SERPINB7: variants seen among roughly 807,000 people sequenced by gnomAD.
The protein encoded by SERPINB7 is serpin B7.
In SERPINB7, 31 loss-of-function variants were observed where a neutral mutation model predicts 37.4. The observed-to-expected ratio is 0.83, with a 90% confidence interval of 0.62 to 1.12. The LOEUF is 1.12. Among genes scored for constraint, SERPINB7 ranks in the 50% most tolerant of loss-of-function variants. The probability of loss-of-function intolerance (pLI) is 0.00; values close to 1 mark genes in which losing one functional copy is unlikely to be tolerated. For synonymous variants in SERPINB7, 163 were observed against 166.1 expected, an observed-to-expected ratio of 0.98 and a Z score of 0.14; for missense variants, 521 against 455.3, an observed-to-expected ratio of 1.14 and a Z score of -1.31.
intron 1 of SERPINB7, among the ~76,000 whole-genome samples, chr18:63,764,291 C>T (rs1044180218): frequency 6.6e-6 from 1 of 152,200 alleles, no homozygotes; most frequent in Admixed American, 6.5e-5. Context: ...TTCTGTGGGC[C>T]TTAGCCCAAT....
At chr18:63,771,620 C>A (rs1227931203), upstream of SERPINB7, among the ~76,000 whole-genome samples, 2 of 152,008 alleles carry the variant, frequency 1.3e-5, no homozygotes, top group Non-Finnish European at 2.9e-5. Flanking sequence ...TTAAAGGCAT[C>A]CTTCTAAGGG....
intron 1 of SERPINB7, among the ~76,000 whole-genome samples, chr18:63,759,585 A>T (rs899041582): frequency 3.0e-4 from 46 of 152,048 alleles, no homozygotes; most frequent in Non-Finnish European, 8.8e-5. Flanking sequence ...TGGTAACTGG[A>T]AGGGCTCCCA....
intron 2 of SERPINB7, among the ~76,000 whole-genome samples, chr18:63,787,186 A>G (rs2049382045): frequency 6.6e-6 from 1 of 152,160 alleles, no homozygotes; most frequent in South Asian, 2.1e-4. Flanking sequence ...CGTCATGTTG[A>G]TGCTCAAAAA....
At chr18:63,758,252 T>G (rs2049132815) in intron 1 of SERPINB7, among the ~76,000 whole-genome samples, 1 of 152,166 alleles carries the variant, frequency 6.6e-6, no homozygotes, top group South Asian at 2.1e-4. Context: ...GTAGCGTTGT[T>G]ACCATGACTT....
intron 2 of SERPINB7, among the ~76,000 whole-genome samples, chr18:63,788,518 G>A (rs1383631927): frequency 6.6e-6 from 1 of 152,132 alleles, no homozygotes; most frequent in Admixed American, 6.5e-5. Context: ...AAAAGTTAAA[G>A]TAAGCCAAAG....
At chr18:63,769,463 C>T (rs1386844632) in intron 1 of SERPINB7, among the ~76,000 whole-genome samples, 1 of 152,116 alleles carries the variant, frequency 6.6e-6, no homozygotes, top group African/African-American at 2.4e-5. Flanking sequence ...TTGGTGTTGA[C>T]ATCTGCTGAT....
chr18:63,772,825 G>A (rs1309463552), upstream of SERPINB7, among the ~76,000 whole-genome samples: 1 of 152,124 alleles, frequency 6.6e-6, no homozygotes, highest in Non-Finnish European at 1.5e-5. Flanking sequence ...GCACAAATAA[G>A]TGGAAACCAA....
intron 1 of SERPINB7, among the ~76,000 whole-genome samples, chr18:63,770,171 TGGGGTTATTA>T (rs1480679089): frequency 2.0e-5 from 3 of 150,474 alleles, no homozygotes; most frequent in African/African-American, 7.3e-5. Flanking sequence ...CTGCTTGTAG[TGGGGTTATTA>T]TCATCCAAAG....
In SERPINB7 at chr18:63,798,732, T is replaced by A; in HGVS notation, c.583T>A (p.Phe195Ile). Residue 195 changes from phenylalanine (F) to isoleucine (I), a missense_variant, in exon 6 of 8, where the codon TTC becomes ATC. Transcript: ENST00000398019. ...FTKSETINCH[F>I]KSPKCSGKAV... ...CAAGAGCGAAACCATAAATTGCCAT[T>A]TCAAATCTCCCAAGGTATGTCGTCA... 2 of 1,612,740 alleles carry A rather than the reference T, an allele frequency of 1.2e-6. No individual in the cohort carries two copies. Among genetic ancestry groups the A allele is most frequent in the Admixed American group, 1.7e-5 (1 of 59,678 alleles).
intron 2 of SERPINB7, among the ~76,000 whole-genome samples, chr18:63,789,085 C>A (rs2049400824): frequency 6.6e-6 from 1 of 152,178 alleles, no homozygotes; most frequent in Non-Finnish European, 1.5e-5. Flanking sequence ...TATAAATGTA[C>A]ATAGCCATTT....
upstream of SERPINB7, among the ~76,000 whole-genome samples, chr18:63,774,004 A>G (rs565466932): frequency 6.6e-6 from 1 of 152,244 alleles, no homozygotes; most frequent in South Asian, 2.1e-4. Flanking sequence ...TAGGTAAGAA[A>G]TAGAAAGGAT....
rs189879265 is a variant in SERPINB7, at chr18:63,756,804, T to C, written c.-19+3684T>C. 3.6e-5 allele frequency among the ~76,000 whole-genome samples: 5 copies of C among 137,344 alleles called. No individual in the cohort carries two copies. The East Asian group carries it at 8.7e-4, about 24-fold the overall frequency. 90.1% of individuals were successfully genotyped at this position (137,344 alleles called of 152,430 possible). A position where few individuals can be genotyped will look rare whatever the true frequency, so the allele number is the denominator to read the frequency against. On this transcript the variant is annotated intron_variant, in intron 1 of 7. Transcript: ENST00000336429. ...GTTGTTTCCAGGGTCTTGGGGTAGC[T>C]TGTGTGTGTGTGTGTGTGTGTGTGT...
chr18:63,803,873 G>A (rs1243706374), intron 7 of SERPINB7, among the ~76,000 whole-genome samples: 1 of 152,104 alleles, frequency 6.6e-6, no homozygotes, highest in Non-Finnish European at 1.5e-5. Flanking sequence ...AGGAAATATT[G>A]ATTTAAATGA....
intron 1 of SERPINB7, among the ~76,000 whole-genome samples, chr18:63,780,983 T>C (rs2049295660): frequency 6.6e-6 from 1 of 152,224 alleles, no homozygotes; most frequent in Non-Finnish European, 1.5e-5. Flanking sequence ...CTCTGGATCA[T>C]GCATTGTACT....
At chr18:63,754,691 T>G (rs2049110419) in intron 1 of SERPINB7, among the ~76,000 whole-genome samples, 1 of 151,796 alleles carries the variant, frequency 6.6e-6, no homozygotes, top group Non-Finnish European at 1.5e-5. Context: ...CCAGATGGAG[T>G]TTCAGCATCA....
At chr18:63,768,246 T>C (rs1001710234) in intron 1 of SERPINB7, among the ~76,000 whole-genome samples, 4 of 149,322 alleles carry the variant, frequency 2.7e-5, no homozygotes, top group African/African-American at 4.9e-5. Flanking sequence ...GTATAGATTA[T>C]TGGTTTGAGA....
intron 6 of SERPINB7, among the ~76,000 whole-genome samples, chr18:63,800,337 C>T (rs1026287018): frequency 2.6e-5 from 4 of 152,046 alleles, no homozygotes; most frequent in South Asian, 2.1e-4. Flanking sequence ...GCTGGGATTA[C>T]AGGCATGAGC....
chr18:63,767,222 T>A (rs2049185589), intron 1 of SERPINB7, among the ~76,000 whole-genome samples: 1 of 152,150 alleles, frequency 6.6e-6, no homozygotes, highest in Non-Finnish European at 1.5e-5. Flanking sequence ...TAGAGCTCTC[T>A]TTTCTGCTAC....
chr18:63,756,151 G>A (rs935676590), intron 1 of SERPINB7, among the ~76,000 whole-genome samples: 1 of 151,658 alleles, frequency 6.6e-6, no homozygotes, highest in African/African-American at 2.4e-5. Context: ...GTTTACACAT[G>A]AACTTTTGAG....
Sources: allele counts gnomAD v4.1 joint callset (sites outside exome capture counted in the v4.1 genomes callset), GRCh38; gene constraint gnomAD v4.1.1; transcripts MANE v1.5; gene names NCBI Gene and HGNC (gene_info 2026-07-23, HGNC 2026-07-21).